EPS15L1: variants seen among roughly 807,000 people sequenced by gnomAD.
EPS15L1 encodes the protein epidermal growth factor receptor pathway substrate 15 like 1.
A neutral mutation model predicts 117.1 loss-of-function variants in EPS15L1; 43 were observed. The ratio of observed to expected loss-of-function variants is 0.37; its 90% CI spans 0.29 to 0.47. The LOEUF (loss-of-function observed/expected upper bound fraction) is 0.47, where lower values mean the gene tolerates loss of function less well. EPS15L1 is among the 20% of genes least tolerant of loss of function. The probability of loss-of-function intolerance (pLI) is 0.99; values close to 1 mark genes in which losing one functional copy is unlikely to be tolerated. For synonymous variants in EPS15L1, 459 were observed against 470.5 expected (o/e 0.98, Z 0.32); for missense variants, 981 against 1,164.0 (o/e 0.84, Z 2.29).
chr19:16,370,877 A>C lies in EPS15L1; in HGVS notation c.2380+6245T>G, dbSNP rs570685134. The stretch of plus-strand genomic sequence containing the variant: ...CTGGGGGATGGGGGGCGTGGGCAGG[A>C]AAGAGGGACTCCACCTGGTTGGCCG... On this transcript the variant is annotated intron_variant, in intron 22 of 23. Transcript: ENST00000455140. This position sits in a 1 kb window ranked among gnomAD's most constrained non-coding sequence, Gnocchi z 5.2. Among the ~76,000 whole-genome samples the C allele has an allele frequency of 6.6e-6, 1 of 152,218 alleles. No homozygotes were observed. Among genetic ancestry groups the C allele is most frequent in the South Asian group, 2.1e-4 (1 of 4,818 alleles).
intron 16 of EPS15L1, among the ~76,000 whole-genome samples, 169 bp from the exon 17 acceptor site, chr19:16,395,636 C>T (rs961909943): frequency 3.3e-5 from 5 of 152,094 alleles, no homozygotes; most frequent in African/African-American, 9.7e-5. Context: ...AATCCCATCT[C>T]TATAAAAACA....
At chr19:16,465,847 C>CA (rs1244189765) in intron 1 of EPS15L1, among the ~76,000 whole-genome samples, 1 of 151,854 alleles carries the variant, frequency 6.6e-6, no homozygotes, top group Non-Finnish European at 1.5e-5. Context: ...AACAAACAAA[C>CA]AAAAAAATAA....
chr19:16,409,662 G>A (rs2092688446), intron 13 of EPS15L1, among the ~76,000 whole-genome samples: 1 of 152,178 alleles, frequency 6.6e-6, no homozygotes, highest in South Asian at 2.1e-4. Flanking sequence ...TATAGGCCAG[G>A]CGCAGTGGCT....
intron 1 of EPS15L1, among the ~76,000 whole-genome samples, chr19:16,466,643 C>A (rs2093308028): frequency 6.6e-6 from 1 of 152,160 alleles, no homozygotes; most frequent in South Asian, 2.1e-4. Flanking sequence ...TGCCTCCTGC[C>A]TGTAATCCCA....
chr19:16,441,195 G>A, intron 3 of EPS15L1: 1 of 465,068 alleles, frequency 2.2e-6, no homozygotes, highest in Admixed American at 3.4e-5. Context: ...AAGTGGCCAA[G>A]CGCGGTGGTT....
In EPS15L1 at chr19:16,425,323, G is replaced by A. The variant is rs1445297281; in HGVS notation, c.559-7C>T. 14 of 1,573,496 alleles carry A rather than the reference G, an allele frequency of 8.9e-6. 1 individual carries two copies. The highest frequency in any genetic ancestry group is 2.3e-5 in the South Asian group (2 of 87,078). ...GGTACACCAAGTGCATGGCCTGCAGGTGCAAACAACAATGGCACTGAAGGG... is the reference window on the plus strand; with the variant it reads ...GGTACACCAAGTGCATGGCCTGCAGATGCAAACAACAATGGCACTGAAGGG... On this transcript the variant is annotated splice_region_variant and splice_polypyrimidine_tract_variant and intron_variant, in intron 8 of 23. Coordinates refer to ENST00000455140, the MANE Select transcript of EPS15L1 (RefSeq NM_001258374.3).
chr19:16,366,352 TTTC>T (rs929235525), intron 22 of EPS15L1, among the ~76,000 whole-genome samples: 4 of 152,124 alleles, frequency 2.6e-5, no homozygotes, highest in African/African-American at 4.8e-5. Context: ...TTGAGCTGCT[TTTC>T]TTCTTCTTTT....
intron 1 of EPS15L1, among the ~76,000 whole-genome samples, chr19:16,454,363 C>A (rs185060543): frequency 5.9e-5 from 9 of 152,288 alleles, no homozygotes; most frequent in African/African-American, 2.2e-4. Context: ...GGTATCCTAT[C>A]GCCCCGCTAC....
chr19:16,389,650 GGAT>G (rs1334403623), intron 19 of EPS15L1, among the ~76,000 whole-genome samples: 3 of 152,048 alleles, frequency 2.0e-5, no homozygotes, highest in Non-Finnish European at 2.9e-5. Flanking sequence ...TACCCACAAT[GGAT>G]TAATACAAAA....
At chr19:16,460,179 C>T (rs1599687779) in intron 1 of EPS15L1, among the ~76,000 whole-genome samples, 1 of 152,244 alleles carries the variant, frequency 6.6e-6, no homozygotes, top group East Asian at 1.9e-4. Context: ...GTCCCAGCTA[C>T]TAAGGAGGCT....
chr19:16,453,955 A>G (rs1301337397), intron 1 of EPS15L1, among the ~76,000 whole-genome samples: 1 of 151,988 alleles, frequency 6.6e-6, no homozygotes, highest in African/African-American at 2.4e-5. Context: ...AAGCTGCGTC[A>G]GGTTTAAGTG....
rs2145227559 is a variant in EPS15L1, at chr19:16,471,633, G to T, written c.33+280C>A. 6.6e-6 allele frequency among the ~76,000 whole-genome samples: 1 copy of T among 152,194 alleles called. No homozygotes were observed. Among genetic ancestry groups the T allele is most frequent in the East Asian group, 1.9e-4 (1 of 5,168 alleles). ...CAGCGCCTCCGCGGGTCCCCGGCCT[G>T]GGAGCTTCAGCGGCGGCAGGGTCCG... On this transcript the variant is annotated intron_variant, in intron 1 of 23. Coordinates refer to ENST00000455140, the MANE Select transcript of EPS15L1 (RefSeq NM_001258374.3). The surrounding 1 kb of genome is among the most constrained non-coding windows in gnomAD (Gnocchi z 4.8).
At chr19:16,446,722 G>T (rs1480832790) in intron 1 of EPS15L1, among the ~76,000 whole-genome samples, 1 of 152,134 alleles carries the variant, frequency 6.6e-6, no homozygotes. Context: ...CGGACCACAG[G>T]ACAGCCTCAT....
intron 7 of EPS15L1, among the ~76,000 whole-genome samples, chr19:16,433,051 T>A (rs1356478110): frequency 6.6e-6 from 1 of 151,890 alleles, no homozygotes; most frequent in Non-Finnish European, 1.5e-5. Context: ...ACTCAAGTAA[T>A]CTGCCCGCCC....
At chr19:16,406,048 G>A (rs1259605318) in intron 13 of EPS15L1, among the ~76,000 whole-genome samples, 1 of 152,096 alleles carries the variant, frequency 6.6e-6, no homozygotes, top group East Asian at 1.9e-4. Context: ...GGAGAGGAGG[G>A]GTGGGTTTGC....
chr19:16,363,780 C>T (rs1479850567), intron 22 of EPS15L1, among the ~76,000 whole-genome samples: 1 of 152,242 alleles, frequency 6.6e-6, no homozygotes, highest in Non-Finnish European at 1.5e-5. Context: ...GTAGCCCCCC[C>T]TTGCCTGTAG....
intron 1 of EPS15L1, among the ~76,000 whole-genome samples, chr19:16,453,385 G>GT (rs1243806530): frequency 2.0e-5 from 3 of 152,154 alleles, no homozygotes; most frequent in Non-Finnish European, 4.4e-5. Context: ...GATTATAGGT[G>GT]TGAGCATGCC....
chr19:16,423,943 C>T (rs889451939), intron 9 of EPS15L1, among the ~76,000 whole-genome samples: 7 of 152,178 alleles, frequency 4.6e-5, no homozygotes, highest in African/African-American at 1.7e-4. Flanking sequence ...GCTGGGCAAA[C>T]AAAAGGAACT....
At chr19:16,456,676 AAAAC>A (rs1288868574) in intron 1 of EPS15L1, among the ~76,000 whole-genome samples, 1 of 151,074 alleles carries the variant, frequency 6.6e-6, no homozygotes, top group African/African-American at 2.4e-5. Flanking sequence ...AAACAAAAAC[AAAAC>A]AAACAAAAAA....
Sources: allele counts gnomAD v4.1 joint callset (sites outside exome capture counted in the v4.1 genomes callset), GRCh38; gene constraint gnomAD v4.1.1; non-coding constraint Gnocchi (gnomAD v3.1); transcripts MANE v1.5; gene names NCBI Gene and HGNC (gene_info 2026-07-23, HGNC 2026-07-21).